The following CNTNAP2 variants were observed in gnomAD, a reference collection of about 807,000 sequenced individuals.
CNTNAP2 encodes the protein contactin-associated protein-like 2.
A neutral mutation model predicts 155.2 loss-of-function variants in CNTNAP2; 98 were observed. The observed-to-expected ratio is 0.63, with a 90% CI of 0.54 to 0.75. The LOEUF (loss-of-function observed/expected upper bound fraction) is 0.75, where lower values mean the gene tolerates loss of function less well. Ranked by LOEUF, CNTNAP2 falls within the 30% of genes least tolerant of loss-of-function variation. CNTNAP2 has a pLI of 0.00. For missense variants in CNTNAP2, 1,727 were observed against 1,688.1 expected (o/e 1.02, Z -0.40); for synonymous variants, 651 against 631.2 (o/e 1.03, Z -0.47).
At position 146,891,586 on chromosome 7, in the gene CNTNAP2, A is replaced by T. The variant is rs114891758; in HGVS notation, c.402+51682A>T. 8.4e-3 allele frequency among the ~76,000 whole-genome samples: 1,272 copies of T among 152,266 alleles called. 16 individuals are homozygous for T. Among genetic ancestry groups the T allele is most frequent in the African/African-American group, 0.029 (1,222 of 41,544 alleles). On this transcript the variant is annotated intron_variant, in intron 3 of 23. Transcript: ENST00000361727. Reference sequence around the variant, plus strand: ...GTGTATTTTTTTGGCAGTCCCAAGTACCTGAATGAATATGAACAGTTTTTG... The same window carrying T: ...GTGTATTTTTTTGGCAGTCCCAAGTTCCTGAATGAATATGAACAGTTTTTG...
intron 15 of CNTNAP2, among the ~76,000 whole-genome samples, chr7:148,017,162 T>C (rs1353393887): frequency 1.3e-5 from 2 of 152,220 alleles, no homozygotes; most frequent in African/African-American, 4.8e-5. Context: ...TGCGTATGGT[T>C]GCTCAGCTTG....
intron 9 of CNTNAP2, among the ~76,000 whole-genome samples, chr7:147,393,732 C>CAT (rs1401209629): frequency 6.6e-6 from 1 of 151,904 alleles, no homozygotes; most frequent in African/African-American, 2.4e-5. Flanking sequence ...TACACATACA[C>CAT]ACACACACGA....
At chr7:148,215,589 G>A (rs554820808) in intron 18 of CNTNAP2, among the ~76,000 whole-genome samples, 33 of 151,658 alleles carry the variant, frequency 2.2e-4, no homozygotes, top group African/African-American at 4.6e-4. Context: ...GTGATGTGAG[G>A]TGGGGGCCAG....
At chr7:146,986,172 A>T (rs1798111859) in intron 3 of CNTNAP2, among the ~76,000 whole-genome samples, 1 of 152,080 alleles carries the variant, frequency 6.6e-6, no homozygotes, top group African/African-American at 2.4e-5. Flanking sequence ...TTTCTCCATG[A>T]GTCCCTAAAG....
chr7:146,259,144 C>G (rs1023000967), intron 1 of CNTNAP2, among the ~76,000 whole-genome samples: 5 of 152,172 alleles, frequency 3.3e-5, no homozygotes, highest in Non-Finnish European at 7.4e-5. Flanking sequence ...TCACCTTTTA[C>G]TGTGATTGTA....
chr7:146,586,704 T>C lies in CNTNAP2; in HGVS notation c.98-187567T>C, dbSNP rs112717110. ...GACAGAAAACCATTATAAGTGCAGT[T>C]TGGTAACTTTAAGGACCTTTGATGA... On this transcript the variant is annotated intron_variant, in intron 1 of 23. Transcript: ENST00000361727. Among the ~76,000 whole-genome samples the C allele has an allele frequency of 5.2e-3, 791 of 152,276 alleles. 3 individuals are homozygous for C. Among genetic ancestry groups the C allele is most frequent in the Middle Eastern group, 0.014 (4 of 294 alleles).
intron 8 of CNTNAP2, among the ~76,000 whole-genome samples, chr7:147,205,935 T>A (rs1803016059): frequency 6.6e-6 from 1 of 152,140 alleles, no homozygotes; most frequent in Non-Finnish European, 1.5e-5. Flanking sequence ...ATGCTTGACA[T>A]GATGGATATC....
At chr7:147,652,029 G>A (rs965573084) in intron 13 of CNTNAP2, among the ~76,000 whole-genome samples, 2 of 152,094 alleles carry the variant, frequency 1.3e-5, no homozygotes, top group Admixed American at 6.6e-5. Flanking sequence ...AGAGAAATAC[G>A]GTTGAAGAAA....
At chr7:147,733,676 G>A (rs867238633) in intron 13 of CNTNAP2, among the ~76,000 whole-genome samples, 19 of 152,088 alleles carry the variant, frequency 1.2e-4, no homozygotes, top group Admixed American at 3.3e-4. Context: ...CCATTTGTTT[G>A]TATCCTCTTT....
chr7:147,474,237 T>C (rs909780911), intron 10 of CNTNAP2, among the ~76,000 whole-genome samples: 8 of 151,804 alleles, frequency 5.3e-5, no homozygotes, highest in African/African-American at 1.9e-4. Context: ...TATGATGGGG[T>C]TGCAGAGATT....
chr7:146,325,537 T>G (rs1801083184), intron 1 of CNTNAP2, among the ~76,000 whole-genome samples: 1 of 151,972 alleles, frequency 6.6e-6, no homozygotes, highest in African/African-American at 2.4e-5. Context: ...TAATTTCTAT[T>G]TAGAATCTCA....
chr7:146,571,040 T>C (rs1430799385), intron 1 of CNTNAP2, among the ~76,000 whole-genome samples: 2 of 152,184 alleles, frequency 1.3e-5, no homozygotes, highest in Non-Finnish European at 2.9e-5. Context: ...AAGAGATAGA[T>C]ACATTTCTGT....
intron 3 of CNTNAP2, among the ~76,000 whole-genome samples, chr7:146,931,216 C>T (rs1344648110): frequency 6.6e-6 from 1 of 152,020 alleles, no homozygotes; most frequent in Non-Finnish European, 1.5e-5. Context: ...TGTAAAAGAA[C>T]AGAAATTATA....
chr7:146,597,438 G>T (rs1209045594), intron 1 of CNTNAP2, among the ~76,000 whole-genome samples: 1 of 151,818 alleles, frequency 6.6e-6, no homozygotes, highest in African/African-American at 2.4e-5. Context: ...ATAACCACAA[G>T]CATAAATTAT....
intron 1 of CNTNAP2, among the ~76,000 whole-genome samples, chr7:146,486,867 A>G (rs919240641): frequency 2.6e-5 from 4 of 152,102 alleles, no homozygotes; most frequent in Non-Finnish European, 4.4e-5. Flanking sequence ...TTACTCTTCT[A>G]TGTATTCCCC....
chr7:147,768,307 T>A lies in CNTNAP2; in HGVS notation c.2098+129001T>A, dbSNP rs1481584579. On this transcript the variant is annotated intron_variant, in intron 13 of 23. Transcript: ENST00000361727. ...TGAGTGGGAAGGCAAAGAGTTCAGA[T>A]CCTAAAATGAAAATTTGTAAATCGG... Among the ~76,000 whole-genome samples the A allele has an allele frequency of 2.6e-5, 4 of 152,114 alleles. No individual in the cohort carries two copies. The East Asian group carries it at 7.7e-4, about 29-fold the overall frequency.
chr7:146,812,755 CAG>C (rs1354503035), intron 2 of CNTNAP2, among the ~76,000 whole-genome samples: 1 of 152,174 alleles, frequency 6.6e-6, no homozygotes, highest in African/African-American at 2.4e-5. Flanking sequence ...TAGAACATGT[CAG>C]AGACCTTCAT....
intron 21 of CNTNAP2, among the ~76,000 whole-genome samples, chr7:148,335,853 T>C (rs974423775): frequency 1.7e-5 from 2 of 114,340 alleles, no homozygotes; most frequent in East Asian, 6.4e-4. Context: ...GGTTTAAATA[T>C]TGTACGTTTT....
At chr7:146,823,219 G>GTATATTTACATGTAAA in intron 2 of CNTNAP2, among the ~76,000 whole-genome samples, 1 of 133,288 alleles carries the variant, frequency 7.5e-6, no homozygotes, top group African/African-American at 2.9e-5. Context: ...TTAAATATGA[G>GTATATTTACATGTAAA]TATACTCATT....
Sources: allele counts gnomAD v4.1 joint callset (sites outside exome capture counted in the v4.1 genomes callset), GRCh38; gene constraint gnomAD v4.1.1; transcripts MANE v1.5; gene names NCBI Gene and HGNC (gene_info 2026-07-23, HGNC 2026-07-21).